The following PRDM16 variants were observed in gnomAD, a reference collection of about 807,000 sequenced individuals.
PRDM16 encodes PR/SET domain 16.
Under a neutral mutation model 110.6 loss-of-function variants are expected in PRDM16, and 23 were observed. The ratio of observed to expected loss-of-function variants is 0.21; its 90% confidence interval spans 0.15 to 0.29. PRDM16 has a LOEUF of 0.29. Among genes scored for constraint, PRDM16 ranks in the 10% least tolerant of loss-of-function variants. The pLI, the probability that PRDM16 is intolerant of heterozygous loss-of-function variation, is 1.00. For missense variants in PRDM16, 1,615 were observed against 1,794.3 expected (o/e 0.90, Z 1.81); for synonymous variants, 799 against 781.8 (o/e 1.02, Z -0.37).
chr1:3,212,069 G>C (rs909021397), intron 2 of PRDM16, among the ~76,000 whole-genome samples: 10 of 152,158 alleles, frequency 6.6e-5, no homozygotes, highest in East Asian at 1.9e-4. Context: ...CAGTAACAAG[G>C]CTCCCGGGGA....
At chr1:3,380,450 G>T (rs569867787) in intron 3 of PRDM16, among the ~76,000 whole-genome samples, 1 of 152,264 alleles carries the variant, frequency 6.6e-6, no homozygotes, top group East Asian at 1.9e-4. Context: ...GGAAATGAGA[G>T]TGACAAGGGA....
At chr1:3,394,434 G>C in intron 4 of PRDM16, 1 of 449,940 alleles carries the variant, frequency 2.2e-6, no homozygotes, top group South Asian at 1.6e-5. Flanking sequence ...CAGGGAGTGC[G>C]GGAGGATGCC....
At chr1:3,114,266 G>A (rs1260779934) in intron 1 of PRDM16, among the ~76,000 whole-genome samples, 14 of 118,232 alleles carry the variant, frequency 1.2e-4, no homozygotes, top group African/African-American at 2.0e-4. Context: ...ACGCGCACAC[G>A]TACACACACG....
intron 2 of PRDM16, among the ~76,000 whole-genome samples, chr1:3,212,750 T>C: frequency 6.8e-6 from 1 of 148,034 alleles, no homozygotes; most frequent in African/African-American, 2.6e-5. Context: ...CCCATCCTCT[T>C]GGTTCCCACC....
At chr1:3,363,002 C>A (rs760338244) in intron 3 of PRDM16, among the ~76,000 whole-genome samples, 8 of 152,182 alleles carry the variant, frequency 5.3e-5, no homozygotes, top group Non-Finnish European at 5.9e-5. Flanking sequence ...GCAAATCAGC[C>A]CCTCCTGGCT....
At chr1:3,402,577 T>A (rs1643490964) in intron 5 of PRDM16, among the ~76,000 whole-genome samples, 1 of 152,188 alleles carries the variant, frequency 6.6e-6, no homozygotes, top group African/African-American at 2.4e-5. Flanking sequence ...CCTTTGGTCC[T>A]GCCCAGGGCT....
At chr1:3,422,888 C>T (rs1170585025) in intron 12 of PRDM16, among the ~76,000 whole-genome samples, 1 of 152,234 alleles carries the variant, frequency 6.6e-6, no homozygotes, top group Non-Finnish European at 1.5e-5. Flanking sequence ...TGCCCGGAGG[C>T]AGCTCAGCTG....
intron 3 of PRDM16, among the ~76,000 whole-genome samples, chr1:3,258,268 T>C (rs1204825076): frequency 6.6e-6 from 1 of 152,192 alleles, no homozygotes; most frequent in Non-Finnish European, 1.5e-5. Flanking sequence ...ATTCCTCTTC[T>C]CATCTGTTAT....
At chr1:3,124,200 G>C (rs2012731) in intron 1 of PRDM16, among the ~76,000 whole-genome samples, 1 of 151,968 alleles carries the variant, frequency 6.6e-6, no homozygotes, top group African/African-American at 2.4e-5. Context: ...TCCTGTCCTC[G>C]TACCCTGGCT....
At chr1:3,305,643 G>T (rs1017221585) in intron 3 of PRDM16, among the ~76,000 whole-genome samples, 16 of 152,226 alleles carry the variant, frequency 1.1e-4, no homozygotes, top group Non-Finnish European at 2.2e-4. Flanking sequence ...GCTGTCAAAG[G>T]CCCCCTGGCA....
chr1:3,114,199 GCACGCACACACGCACACGAACACACA>G (rs1178923331), intron 1 of PRDM16, among the ~76,000 whole-genome samples: 3 of 110,356 alleles, frequency 2.7e-5, no homozygotes, highest in Non-Finnish European at 5.4e-5. Context: ...ACACGCACAC[GCACGCACACACGCACACGAACACACA>G]CGCACACACG....
At chr1:3,334,631 C>T (rs1642108013) in intron 3 of PRDM16, among the ~76,000 whole-genome samples, 1 of 152,250 alleles carries the variant, frequency 6.6e-6, no homozygotes, top group Non-Finnish European at 1.5e-5. Context: ...GTGGAGGAGA[C>T]CAGCCCAGCC....
At chr1:3,282,539 C>T (rs1347259871) in intron 3 of PRDM16, among the ~76,000 whole-genome samples, 1 of 152,190 alleles carries the variant, frequency 6.6e-6, no homozygotes, top group East Asian at 1.9e-4. Context: ...GCTCCATGCA[C>T]ACCTCTCACC....
Position 3,087,547 on chromosome 1 carries a change from G to C in PRDM16, c.37+18251G>C, listed in dbSNP as rs535368124. On this transcript the variant is annotated intron_variant, in intron 1 of 16. Transcript: ENST00000270722. ...AATTCACATTTTTCTGTGTCTGTTG[G>C]GGGGAGTTTTTAGATCATAGGAGGA... is the stretch of plus-strand genomic sequence containing the variant. Among the ~76,000 whole-genome samples, 440 of 152,262 alleles carry C rather than the reference G, an allele frequency of 2.9e-3. 1 individual carries two copies. Among genetic ancestry groups the C allele is most frequent in the Non-Finnish European group, 4.4e-3 (300 of 68,020 alleles).
rs576998559 is a variant in PRDM16 at position 3,244,348 on chromosome 1, G to A, written c.438+211G>A. ...GGGATGGGGAGGTGGGGGTCATGTC[G>A]CCGTAGGGTCACAGGTACAGGGCCA... On this transcript the variant is annotated intron_variant, in intron 3 of 16. Coordinates refer to ENST00000270722, the MANE Select transcript of PRDM16 (RefSeq NM_022114.4). The surrounding 1 kb of genome is among the most constrained non-coding windows in gnomAD (Gnocchi z 4.1). Among the ~76,000 whole-genome samples the A allele has an allele frequency of 9.2e-5, 14 of 152,204 alleles. No individual in the cohort carries two copies. Among genetic ancestry groups the A allele is most frequent in the Non-Finnish European group, 1.6e-4 (11 of 68,012 alleles).
chr1:3,132,670 C>A (rs946688344), intron 1 of PRDM16, among the ~76,000 whole-genome samples: 3 of 152,212 alleles, frequency 2.0e-5, no homozygotes, highest in African/African-American at 7.2e-5. Context: ...CATACTGTTG[C>A]CCGAGAAGTC....
At chr1:3,371,178 T>TATCCATCC (rs1279336769) in intron 3 of PRDM16, among the ~76,000 whole-genome samples, 4 of 100,346 alleles carry the variant, frequency 4.0e-5, no homozygotes, top group Non-Finnish European at 7.5e-5. Context: ...ATCCACCATC[T>TATCCATCC]ATCCATCCAT....
intron 12 of PRDM16, among the ~76,000 whole-genome samples, chr1:3,423,493 C>T (rs1638500043): frequency 6.6e-6 from 1 of 152,184 alleles, no homozygotes; most frequent in Non-Finnish European, 1.5e-5. Context: ...CAGCACCGTG[C>T]CGAGAAGGCC....
intron 1 of PRDM16, among the ~76,000 whole-genome samples, chr1:3,170,122 C>T (rs577802829): frequency 6.6e-5 from 10 of 152,294 alleles, no homozygotes; most frequent in Middle Eastern, 3.4e-3. Context: ...CAGCTGAGCG[C>T]GGACGGGCTG....
Sources: gnomAD v4.1 joint callset for allele counts (sites outside exome capture counted in the v4.1 genomes callset) on GRCh38, gnomAD v4.1.1 for gene constraint, Gnocchi (gnomAD v3.1) non-coding constraint, MANE v1.5 for transcripts, NCBI Gene and HGNC (gene_info 2026-07-23, HGNC 2026-07-21) for gene names.